Variants in DDX10 observed in about 807,000 individuals in gnomAD.
DDX10 encodes the protein DEAD-box helicase 10.
In DDX10, 74 loss-of-function variants were observed where a neutral mutation model predicts 104.3. The observed-to-expected ratio is 0.71, with a 90% CI of 0.59 to 0.86. The LOEUF is 0.86. DDX10 is among the 40% of genes least tolerant of loss of function. The probability of loss-of-function intolerance (pLI) is 0.00; values close to 1 mark genes in which losing one functional copy is unlikely to be tolerated. For synonymous variants in DDX10, 351 were observed against 353.4 expected, an observed-to-expected ratio of 0.99 and a Z score of 0.08; for missense variants, 952 against 1,040.0, an observed-to-expected ratio of 0.92 and a Z score of 1.16.
chr11:108,705,279 C>G (rs965286319), intron 9 of DDX10, among the ~76,000 whole-genome samples: 4 of 152,198 alleles, frequency 2.6e-5, no homozygotes, highest in African/African-American at 9.7e-5. Flanking sequence ...ATTCTCTTCA[C>G]TACTTTAGAT....
intron 16 of DDX10, among the ~76,000 whole-genome samples, chr11:108,854,764 A>G (rs1433853956): frequency 6.6e-6 from 1 of 152,158 alleles, no homozygotes; most frequent in Non-Finnish European, 1.5e-5. Flanking sequence ...GCTTGAATGA[A>G]GTTTCATGGA....
chr11:108,667,764 A>G (rs1470393094), intron 1 of DDX10, among the ~76,000 whole-genome samples: 2 of 152,232 alleles, frequency 1.3e-5, no homozygotes, highest in Non-Finnish European at 1.5e-5. Flanking sequence ...CTCTAAGGAA[A>G]GGTACTCTTC....
At chr11:108,920,461 G>A (rs1014399733) in intron 17 of DDX10, 13 of 152,150 alleles carry the variant, frequency 8.5e-5, no homozygotes, top group Non-Finnish European at 1.9e-4. Context: ...TTCCTGTAGC[G>A]TATATAAGGG....
In DDX10 at chr11:108,706,844, G is replaced by A; in HGVS notation, c.1322+7G>A. On this transcript the variant is annotated splice_region_variant and intron_variant, in intron 10 of 17. Coordinates refer to ENST00000322536, the MANE Select transcript of DDX10 (RefSeq NM_004398.4). ...TACCTGTGAAGGAAATCAAGTAAGA[G>A]CTACTTGTTGTCTTTATGTTTTTAG... The A allele has an allele frequency of 2.5e-6, 4 of 1,605,130 alleles. No homozygotes were observed. Among genetic ancestry groups the A allele is most frequent in the Non-Finnish European group, 3.4e-6 (4 of 1,172,012 alleles).
chr11:108,771,526 T>C (rs967936436), intron 13 of DDX10, among the ~76,000 whole-genome samples: 7 of 152,098 alleles, frequency 4.6e-5, no homozygotes, highest in African/African-American at 1.7e-4. Context: ...TTTGTATCTT[T>C]AATAGAGACA....
intron 13 of DDX10, among the ~76,000 whole-genome samples, chr11:108,755,808 C>T (rs902961173): frequency 6.6e-6 from 1 of 151,952 alleles, no homozygotes; most frequent in Non-Finnish European, 1.5e-5. Flanking sequence ...CTTTAGTTTT[C>T]CTCTTCTGGA....
intron 13 of DDX10, among the ~76,000 whole-genome samples, chr11:108,728,504 CTTTTTTTTTTTTTT>C (rs71050884): frequency 4.9e-5 from 6 of 121,820 alleles, no homozygotes; most frequent in African/African-American, 2.0e-4. Context: ...CACATTTGTT[CTTTTTTTTTTTTTT>C]TTTTTTTTTT....
chr11:108,831,116 T>G (rs1862463244), intron 13 of DDX10, among the ~76,000 whole-genome samples: 1 of 152,100 alleles, frequency 6.6e-6, no homozygotes, highest in African/African-American at 2.4e-5. Context: ...TAAGAAATAC[T>G]CTTATCGGGC....
intron 13 of DDX10, among the ~76,000 whole-genome samples, chr11:108,792,429 T>C (rs1421851744): frequency 6.6e-6 from 1 of 152,214 alleles, no homozygotes; most frequent in African/African-American, 2.4e-5. Flanking sequence ...TGATTTTAAG[T>C]TTGTATATGG....
At chr11:108,730,652 G>A (rs1384102391) in intron 13 of DDX10, among the ~76,000 whole-genome samples, 1 of 152,146 alleles carries the variant, frequency 6.6e-6, no homozygotes, top group Non-Finnish European at 1.5e-5. Flanking sequence ...AAAAGGTATT[G>A]TTGAACTTCC....
At chr11:108,725,762 C>T (rs529554984) in intron 13 of DDX10, among the ~76,000 whole-genome samples, 25 of 151,870 alleles carry the variant, frequency 1.6e-4, no homozygotes, top group African/African-American at 5.6e-4. Context: ...TTTTGAGTGT[C>T]TGGCAAAGAG....
intron 16 of DDX10, among the ~76,000 whole-genome samples, chr11:108,895,120 A>G (rs1565311636): frequency 6.6e-6 from 1 of 152,056 alleles, no homozygotes. Flanking sequence ...TGACCTGGCT[A>G]ATTAACAAAA....
chr11:108,929,358 T>C, intron 17 of DDX10, among the ~76,000 whole-genome samples: 1 of 152,188 alleles, frequency 6.6e-6, no homozygotes, highest in East Asian at 1.9e-4. Flanking sequence ...GAAGAATTAT[T>C]GCAAGCCACC....
chr11:108,700,674 G>C (rs542727361), intron 9 of DDX10, among the ~76,000 whole-genome samples: 2 of 152,286 alleles, frequency 1.3e-5, no homozygotes, highest in African/African-American at 4.8e-5. Context: ...GGAATCTTAG[G>C]TTTGAATTGG....
intron 13 of DDX10, among the ~76,000 whole-genome samples, chr11:108,809,275 C>G (rs560067927): frequency 6.6e-6 from 1 of 152,054 alleles, no homozygotes; most frequent in Non-Finnish European, 1.5e-5. Context: ...TGTTAAAATG[C>G]GAGACATTTT....
intron 13 of DDX10, among the ~76,000 whole-genome samples, chr11:108,806,694 C>G (rs1037503723): frequency 6.6e-6 from 1 of 151,980 alleles, no homozygotes; most frequent in Non-Finnish European, 1.5e-5. Context: ...TCTCAGAGGG[C>G]GCGTTGGATC....
intron 16 of DDX10, among the ~76,000 whole-genome samples, chr11:108,902,126 T>A (rs1260936806): frequency 1.3e-5 from 2 of 152,230 alleles, no homozygotes; most frequent in Non-Finnish European, 2.9e-5. Flanking sequence ...CCAGTTTTCA[T>A]GAGACTCGTG....
At chr11:108,870,449 C>T (rs2134622564) in intron 16 of DDX10, among the ~76,000 whole-genome samples, 1 of 152,294 alleles carries the variant, frequency 6.6e-6, no homozygotes, top group South Asian at 2.1e-4. Context: ...ATCTAGCTTC[C>T]AGCTCCTTCT....
chr11:108,860,232 T>C (rs879409403), intron 16 of DDX10, among the ~76,000 whole-genome samples: 4 of 152,192 alleles, frequency 2.6e-5, no homozygotes, highest in Non-Finnish European at 5.9e-5. Context: ...ACCATACATA[T>C]ATATTATCAT....
Sources: allele counts gnomAD v4.1 joint callset (sites outside exome capture counted in the v4.1 genomes callset), GRCh38; gene constraint gnomAD v4.1.1; transcripts MANE v1.5; gene names NCBI Gene and HGNC (gene_info 2026-07-23, HGNC 2026-07-21).